Variants in PPP4R2 observed in about 807,000 individuals in gnomAD.
PPP4R2 encodes the protein protein phosphatase 4 regulatory subunit 2.
Under a neutral mutation model 47.2 loss-of-function variants are expected in PPP4R2, and 13 were observed. That is an observed-to-expected ratio of 0.28 (90% CI 0.18 to 0.44). The LOEUF (loss-of-function observed/expected upper bound fraction) is 0.44. Among genes scored for constraint, PPP4R2 ranks in the 20% least tolerant of loss-of-function variants. PPP4R2 has a pLI of 1.00. For synonymous variants in PPP4R2, 151 were observed against 163.3 expected (o/e 0.92, Z 0.57); for missense variants, 421 against 491.2 (o/e 0.86, Z 1.35).
In PPP4R2 at chr3:73,065,432, A is replaced by G. The variant is rs1172508848; in HGVS notation, c.964A>G (p.Arg322Gly). ...FMTSREMIPE[R>G]KNQEKESDDA... ...GACATCAAGAGAAATGATCCCAGAAAGAAAAAATCAAGAAAAAGAATCTGA... is the reference window on the plus strand; with the variant it reads ...GACATCAAGAGAAATGATCCCAGAAGGAAAAAATCAAGAAAAAGAATCTGA... The change falls in exon 9 of 9, where the codon AGA (arginine) becomes GGA (glycine). Residue 322 changes from arginine to glycine, a missense_variant. Around this residue, in one of 2 missense-constraint regions of PPP4R2, gnomAD observed 317 missense variants for 287.5 expected, o/e 1.10. Coordinates refer to ENST00000356692, the MANE Select transcript of PPP4R2 (RefSeq NM_174907.4). 7 of 1,604,730 alleles carry G rather than the reference A, an allele frequency of 4.4e-6. No individual in the cohort carries two copies. The highest frequency in any genetic ancestry group is 6.0e-6 in the Non-Finnish European group (7 of 1,176,380).
rs1459531421 is a variant in PPP4R2 at position 73,067,651 on chromosome 3, TTACC to T, written c.*1932_*1935del. The T allele has an allele frequency of 6.6e-6, 1 of 152,186 alleles. No homozygotes were observed. Among genetic ancestry groups the T allele is most frequent in the Non-Finnish European group, 1.5e-5 (1 of 67,990 alleles). 9.4% of individuals were successfully genotyped at this position (152,186 alleles called of 1,614,324 possible). Reference sequence around the variant, plus strand: ...AATATTTATGAAATTGTCAGTAAACTTACCTAAGATCCTGTGACCTTTTGATATT... The same window carrying T: ...AATATTTATGAAATTGTCAGTAAACTTAAGATCCTGTGACCTTTTGATATT... On this transcript the variant is annotated 3_prime_UTR_variant, in exon 9 of 9. Transcript: ENST00000356692.
At chr3:73,005,873 T>C (rs1033440314) in intron 2 of PPP4R2, among the ~76,000 whole-genome samples, 9 of 150,318 alleles carry the variant, frequency 6.0e-5, no homozygotes, top group African/African-American at 2.0e-4. Context: ...ATAATTGACA[T>C]ACAATACACT....
intron 2 of PPP4R2, among the ~76,000 whole-genome samples, chr3:73,033,896 G>C (rs1187855048): frequency 2.0e-5 from 3 of 152,186 alleles, no homozygotes; most frequent in African/African-American, 7.2e-5. Flanking sequence ...GTCTAAGTCT[G>C]TACTTTTACT....
chr3:73,035,661 G>A (rs900753906), intron 2 of PPP4R2, among the ~76,000 whole-genome samples: 1 of 151,952 alleles, frequency 6.6e-6, no homozygotes, highest in African/African-American at 2.4e-5. Flanking sequence ...GTTTCGCTCT[G>A]TTGCCCAGGC....
intron 2 of PPP4R2, among the ~76,000 whole-genome samples, chr3:73,039,734 G>A (rs1268883380): frequency 1.3e-5 from 2 of 152,128 alleles, no homozygotes; most frequent in African/African-American, 4.8e-5. Flanking sequence ...ATCCTCCTGT[G>A]ACAAAGAATT....
chr3:73,021,846 ATATGTGTG>A lies in PPP4R2; in HGVS notation c.116+23690_116+23697del, dbSNP rs1399982065. The stretch of plus-strand genomic sequence containing the variant: ...TTTAACAGTGAAGTATTACATTTCT[ATATGTGTG>A]TGTGTGTGTGTGTGTGTGTGTGTGT... On this transcript the variant is annotated intron_variant, in intron 2 of 8. Transcript: ENST00000356692. Among the ~76,000 whole-genome samples the A allele has an allele frequency of 4.5e-3, 548 of 120,904 alleles. 7 individuals carry two copies. Among genetic ancestry groups the A allele is most frequent in the African/African-American group, 0.019 (491 of 25,660 alleles). 79.3% of individuals were successfully genotyped at this position (120,904 alleles called of 152,430 possible).
chr3:73,061,180 A>T, intron 5 of PPP4R2, 120 bp downstream of exon 5: 2 of 450,128 alleles, frequency 4.4e-6, no homozygotes, highest in Non-Finnish European at 3.8e-6. Context: ...GTGTGATAAC[A>T]TACTTGTGAA....
At chr3:73,030,129 G>C (rs1365943272) in intron 2 of PPP4R2, among the ~76,000 whole-genome samples, 1 of 152,162 alleles carries the variant, frequency 6.6e-6, no homozygotes, top group African/African-American at 2.4e-5. Flanking sequence ...AAATATCAGT[G>C]TATTTATATT....
intron 2 of PPP4R2, among the ~76,000 whole-genome samples, chr3:73,042,507 G>C (rs923817881): frequency 1.3e-5 from 2 of 151,590 alleles, no homozygotes; most frequent in Non-Finnish European, 2.9e-5. Flanking sequence ...TGGGAATACA[G>C]GTTTGTGCCA....
At chr3:73,063,452 C>T (rs962645057) in intron 5 of PPP4R2, 15 of 415,400 alleles carry the variant, frequency 3.6e-5, no homozygotes, top group Middle Eastern at 7.2e-4. Flanking sequence ...GGCAAAACCC[C>T]GTCTCTACTA....
chr3:73,022,170 T>G (rs1701973860), intron 2 of PPP4R2, among the ~76,000 whole-genome samples: 1 of 152,112 alleles, frequency 6.6e-6, no homozygotes, highest in Admixed American at 6.6e-5. Flanking sequence ...GTGCTGTGAT[T>G]ACAGGCACGA....
chr3:73,065,787 T>G lies in PPP4R2; in HGVS notation c.*65T>G. 8.9e-7 allele frequency: 1 copy of G among 1,118,120 alleles called. No homozygotes were observed. Among genetic ancestry groups the G allele is most frequent in the Non-Finnish European group, 1.3e-6 (1 of 796,150 alleles). 69.3% of individuals were successfully genotyped at this position (1,118,120 alleles called of 1,614,324 possible). ...TCTGGTTTTAACACTGTATAAAACTTTTGTGTAATAAAATGGACCTTTAGT... is the reference window on the plus strand; with the variant it reads ...TCTGGTTTTAACACTGTATAAAACTGTTGTGTAATAAAATGGACCTTTAGT... On this transcript the variant is annotated 3_prime_UTR_variant, in exon 9 of 9. Transcript: ENST00000356692.
At chr3:73,015,748 C>T (rs1299492042) in intron 2 of PPP4R2, 7 of 434,544 alleles carry the variant, frequency 1.6e-5, no homozygotes. Context: ...TGCCATTGTC[C>T]TGCCTTATCC....
At chr3:73,003,771 T>C (rs1453747287) in intron 2 of PPP4R2, among the ~76,000 whole-genome samples, 3 of 152,076 alleles carry the variant, frequency 2.0e-5, no homozygotes, top group Admixed American at 1.3e-4. Flanking sequence ...CGATCTTGAC[T>C]CACTACAACC....
chr3:73,024,907 G>T (rs1702031827), intron 2 of PPP4R2, among the ~76,000 whole-genome samples: 1 of 152,108 alleles, frequency 6.6e-6, no homozygotes, highest in Non-Finnish European at 1.5e-5. Context: ...TAGAAACAAG[G>T]GTTGAGCTAC....
At position 73,065,092 on chromosome 3, in the gene PPP4R2, G is replaced by C. The variant is rs1362341527; in HGVS notation, c.879G>C (p.Arg293=). ...QDKDKDSRCT[R]QHCTEEDEEE... ...AAGACAAAGATAGCCGTTGTACCCG[G>C]CAGCACTGTACAGAAGAGGATGAAG... is the stretch of plus-strand genomic sequence containing the variant. The change falls in exon 8 of 9, where the codon CGG becomes CGC. Residue 293 remains arginine (R), a synonymous_variant. Transcript: ENST00000356692. 6.2e-7 allele frequency: 1 copy of C among 1,613,974 alleles called. No individual in the cohort carries two copies. The highest frequency in any genetic ancestry group is 1.7e-5 in the Admixed American group (1 of 60,012).
At chr3:73,022,030 G>C (rs1701971626) in intron 2 of PPP4R2, among the ~76,000 whole-genome samples, 1 of 151,644 alleles carries the variant, frequency 6.6e-6, no homozygotes, top group Non-Finnish European at 1.5e-5. Flanking sequence ...CCAAGTAGCT[G>C]GGTCTAGAGG....
At chr3:73,034,365 C>T (rs545837162) in intron 2 of PPP4R2, among the ~76,000 whole-genome samples, 1 of 152,270 alleles carries the variant, frequency 6.6e-6, no homozygotes, top group South Asian at 2.1e-4. Context: ...TTCCAGGTAA[C>T]GCAGAACACT....
Position 73,058,740 on chromosome 3 carries a change from T to C in PPP4R2, c.288-297T>C, listed in dbSNP as rs1303369964. Among the ~76,000 whole-genome samples the C allele has an allele frequency of 2.6e-5, 4 of 152,206 alleles. No individual in the cohort carries two copies. In the East Asian group the frequency reaches 7.7e-4, roughly 29 times the overall value. ...GTCAACCTGTTGTGCTATCAAATAC[T>C]AGATCTTATTCATTCTAACTATATT... On this transcript the variant is annotated intron_variant, in intron 3 of 8. Coordinates refer to ENST00000356692, the MANE Select transcript of PPP4R2 (RefSeq NM_174907.4).
Sources: gnomAD v4.1 joint callset for allele counts (sites outside exome capture counted in the v4.1 genomes callset) on GRCh38, gnomAD v4.1.1 for gene constraint, gnomAD v4.1.1 regional missense constraint, MANE v1.5 for transcripts, NCBI Gene and HGNC (gene_info 2026-07-23, HGNC 2026-07-21) for gene names.